Variants in BRWD1 observed in about 807,000 individuals in gnomAD.
BRWD1 encodes bromodomain and WD repeat domain containing 1.
BRWD1 carries 82 observed loss-of-function variants against 251.2 expected under a neutral mutation model. The observed-to-expected ratio is 0.33, with a 90% confidence interval of 0.27 to 0.39. The LOEUF (loss-of-function observed/expected upper bound fraction) is 0.39, where lower values mean the gene tolerates loss of function less well. Among genes scored for constraint, BRWD1 ranks in the 10% least tolerant of loss-of-function variants. The pLI is 1.00. For synonymous variants in BRWD1, 918 were observed against 902.8 expected (o/e 1.02, Z -0.30); for missense variants, 2,233 against 2,711.6 (o/e 0.82, Z 3.92).
intron 32 of BRWD1, among the ~76,000 whole-genome samples, chr21:39,214,100 T>C (rs1214374100): frequency 6.6e-6 from 1 of 152,050 alleles, no homozygotes; most frequent in Non-Finnish European, 1.5e-5. Context: ...GGAGGTAACT[T>C]ACGTATGAGT....
intron 17 of BRWD1, among the ~76,000 whole-genome samples, chr21:39,261,046 G>C (rs2034727438): frequency 6.6e-6 from 1 of 152,142 alleles, no homozygotes. Flanking sequence ...CCAGCATGGT[G>C]AAACTTCATC....
At chr21:39,269,738 G>A (rs1196651422) in intron 15 of BRWD1, among the ~76,000 whole-genome samples, 161 bp downstream of exon 15, 2 of 152,012 alleles carry the variant, frequency 1.3e-5, no homozygotes, top group African/African-American at 2.4e-5. Flanking sequence ...ATGTATGTAC[G>A]TATATACATG....
intron 5 of BRWD1, chr21:39,297,213 CAAA>C: frequency 1.0e-6 from 1 of 985,340 alleles, no homozygotes; most frequent in Non-Finnish European, 1.2e-6. Flanking sequence ...CTTCATAACT[CAAA>C]GAAGAAAGGG....
In BRWD1 at chr21:39,191,541, G is replaced by GA. The variant is rs2031556086; in HGVS notation, c.*4717dup. On this transcript the variant is annotated 3_prime_UTR_variant, in exon 41 of 41. Coordinates refer to ENST00000342449, the MANE Select transcript of BRWD1 (RefSeq NM_033656.4). ...ATCTTATGTGAAGTGGAAAACTAAA[G>GA]ATCTGCTTGACAGGCTCATGTAATT... is the stretch of plus-strand genomic sequence containing the variant. 1 of 982,054 alleles carries GA rather than the reference G, an allele frequency of 1.0e-6. No individual in the cohort carries two copies. The highest frequency in any genetic ancestry group is 1.2e-6 in the Non-Finnish European group (1 of 827,064). 60.8% of individuals were successfully genotyped at this position (982,054 alleles called of 1,614,324 possible).
At chr21:39,293,291 G>A (rs773862958) in intron 8 of BRWD1, among the ~76,000 whole-genome samples, 1 of 152,030 alleles carries the variant, frequency 6.6e-6, no homozygotes, top group Admixed American at 6.6e-5. Context: ...TCAGGAGTTC[G>A]AGACCAGCCT....
chr21:39,259,306 C>G (rs547752313), intron 17 of BRWD1, among the ~76,000 whole-genome samples: 22 of 152,130 alleles, frequency 1.4e-4, no homozygotes, highest in African/African-American at 5.3e-4. Flanking sequence ...CAGAGTTTTT[C>G]TGAGACGGAG....
Position 39,197,118 on chromosome 21 carries a change from T to C in BRWD1, c.5951A>G (p.His1984Arg). ...ATACTGTTCACTTGGTACTTCACAATGTACACTTCCTTCACAATCACTCAA... is the reference window on the plus strand; with the variant it reads ...ATACTGTTCACTTGGTACTTCACAACGTACACTTCCTTCACAATCACTCAA... ...KKLSDCEGSV[H>R]CEVPSEQYAC... Residue 1984 changes from histidine to arginine, a missense_variant, in exon 41 of 41, where the codon CAT becomes CGT. Coordinates refer to ENST00000342449, the MANE Select transcript of BRWD1 (RefSeq NM_033656.4). 1 of 1,614,176 alleles carries C rather than the reference T, an allele frequency of 6.2e-7. No individual in the cohort carries two copies. The highest frequency in any genetic ancestry group is 8.5e-7 in the Non-Finnish European group (1 of 1,179,982).
intron 8 of BRWD1, among the ~76,000 whole-genome samples, chr21:39,289,398 T>C (rs1358832270): frequency 1.3e-5 from 2 of 152,266 alleles, no homozygotes; most frequent in Non-Finnish European, 2.9e-5. Context: ...TCCATATGTA[T>C]TTTGAAGCCC....
chr21:39,278,380 A>G (rs1165502395), intron 10 of BRWD1: 6 of 189,324 alleles, frequency 3.2e-5, no homozygotes, highest in Non-Finnish European at 6.4e-5. Flanking sequence ...TTTCATCAAG[A>G]TATTATGTGT....
intron 5 of BRWD1, chr21:39,298,066 T>C: frequency 3.0e-6 from 3 of 990,148 alleles, no homozygotes; most frequent in South Asian, 4.7e-5. Context: ...AAATATCAAA[T>C]GAAATACCTC....
intron 17 of BRWD1, 126 bp from the exon 18 acceptor site, chr21:39,258,798 TAA>T: frequency 1.6e-6 from 1 of 618,836 alleles, no homozygotes. Context: ...ATAACCAGTT[TAA>T]AAAGATACTC....
chr21:39,301,892 C>CA (rs2036124401), intron 4 of BRWD1, among the ~76,000 whole-genome samples: 2 of 127,028 alleles, frequency 1.6e-5, no homozygotes, highest in East Asian at 2.1e-4. Context: ...TTTACTGTGC[C>CA]GAAAAAAAAA....
At chr21:39,245,655 C>T (rs1215251968) in intron 21 of BRWD1, among the ~76,000 whole-genome samples, 2 of 150,006 alleles carry the variant, frequency 1.3e-5, no homozygotes, top group African/African-American at 4.9e-5. Context: ...GCTGGAGTGC[C>T]GTGGCGCAGT....
intron 29 of BRWD1, among the ~76,000 whole-genome samples, chr21:39,223,446 G>A (rs906604103): frequency 2.6e-5 from 4 of 152,140 alleles, no homozygotes; most frequent in African/African-American, 9.7e-5. Context: ...AGAAAGCTTG[G>A]TGGTGAAAAC....
intron 21 of BRWD1, among the ~76,000 whole-genome samples, chr21:39,240,682 C>T (rs1173504608): frequency 6.6e-6 from 1 of 152,110 alleles, no homozygotes; most frequent in African/African-American, 2.4e-5. Flanking sequence ...CTACATAACT[C>T]TTAAAACAAA....
At chr21:39,233,939 G>C (rs1275962531) in intron 23 of BRWD1, among the ~76,000 whole-genome samples, 1 of 152,204 alleles carries the variant, frequency 6.6e-6, no homozygotes, top group Admixed American at 6.5e-5. Context: ...AGAACTGCTT[G>C]AACACGGGAG....
chr21:39,289,461 C>T (rs968103193), intron 8 of BRWD1, among the ~76,000 whole-genome samples: 6 of 151,876 alleles, frequency 4.0e-5, no homozygotes, highest in Admixed American at 3.9e-4. Context: ...CCCACACATT[C>T]ATTTTTTTTT....
At chr21:39,316,863 G>GT (rs200021614), upstream of BRWD1, among the ~76,000 whole-genome samples, 1 of 152,028 alleles carries the variant, frequency 6.6e-6, no homozygotes, top group Non-Finnish European at 1.5e-5. Context: ...GCTAGAGCCG[G>GT]GGGGGATTGA....
chr21:39,194,996 C>T lies in BRWD1; in HGVS notation c.*1263G>A, dbSNP rs2031736712. On this transcript the variant is annotated 3_prime_UTR_variant, in exon 41 of 41. Transcript: ENST00000342449. The stretch of plus-strand genomic sequence containing the variant: ...CAGGCACAAACAAGTTAGGAATGGC[C>T]ATCTACACTGGAGTAGCATAACCTA... 1 of 1,402,672 alleles carries T rather than the reference C, an allele frequency of 7.1e-7. No homozygotes were observed. The highest frequency in any genetic ancestry group is 2.9e-5 in the Admixed American group (1 of 34,210). The allele number at this position is 1,402,672 out of a possible 1,614,324, so 86.9% of individuals were successfully genotyped here.
Sources: allele counts gnomAD v4.1 joint callset (sites outside exome capture counted in the v4.1 genomes callset), GRCh38; gene constraint gnomAD v4.1.1; transcripts MANE v1.5; gene names NCBI Gene and HGNC (gene_info 2026-07-23, HGNC 2026-07-21).